AGMO: variants seen among roughly 807,000 people sequenced by gnomAD.
The protein encoded by AGMO is alkylglycerol monooxygenase.
AGMO carries 75 observed loss-of-function variants against 60.2 expected under a neutral mutation model. The ratio of observed to expected loss-of-function variants is 1.25; its 90% CI spans 1.03 to 1.51. AGMO has a LOEUF of 1.51. Among genes scored for constraint, AGMO ranks in the 40% most tolerant of loss-of-function variants. AGMO has a pLI of 0.00. For missense variants in AGMO, 763 were observed against 525.5 expected (o/e 1.45, Z -4.42); for synonymous variants, 261 against 177.1 (o/e 1.47, Z -3.76).
In AGMO at chr7:15,432,335, T is replaced by TATATATACATAC. The variant is rs1554271554; in HGVS notation, c.410-1228_410-1227insGTATGTATATAT. Among the ~76,000 whole-genome samples the TATATATACATAC allele has an allele frequency of 4.8e-3, 652 of 136,386 alleles. 4 individuals are homozygous for TATATATACATAC. Among genetic ancestry groups the TATATATACATAC allele is most frequent in the African/African-American group, 0.016 (601 of 36,830 alleles). The allele number at this position is 136,386 out of a possible 152,430, so 89.5% of individuals were successfully genotyped here. On this transcript the variant is annotated intron_variant, in intron 3 of 12. Transcript: ENST00000342526. Reference sequence around the variant, plus strand: ...ATATGTGTGTGTATATATGTATATATATATATATATACATACATATATATA... The same window carrying TATATATACATAC: ...ATATGTGTGTGTATATATGTATATATATATATACATACATATATATATACATACATATATATA...
At chr7:15,203,612 T>C (rs1181135627) in intron 12 of AGMO, among the ~76,000 whole-genome samples, 1 of 152,036 alleles carries the variant, frequency 6.6e-6, no homozygotes, top group African/African-American at 2.4e-5. Context: ...TATATTAATG[T>C]GCAATGAAGA....
intron 12 of AGMO, among the ~76,000 whole-genome samples, chr7:15,292,298 G>T (rs1784286397): frequency 6.6e-6 from 1 of 152,110 alleles, no homozygotes; most frequent in Non-Finnish European, 1.5e-5. Context: ...TGAAAGGGGT[G>T]AAACCAAGGC....
At chr7:15,553,728 A>C (rs535616295) in intron 2 of AGMO, among the ~76,000 whole-genome samples, 2 of 152,290 alleles carry the variant, frequency 1.3e-5, no homozygotes, top group East Asian at 1.9e-4. Flanking sequence ...AAATAAATAA[A>C]TAAATAATTT....
At chr7:15,457,334 C>A (rs1782025136) in intron 3 of AGMO, among the ~76,000 whole-genome samples, 1 of 152,066 alleles carries the variant, frequency 6.6e-6, no homozygotes, top group Non-Finnish European at 1.5e-5. Flanking sequence ...TCAAAGCTAT[C>A]CTGCAGTAAA....
intron 12 of AGMO, among the ~76,000 whole-genome samples, chr7:15,296,034 T>A (rs1290681779): frequency 6.6e-6 from 1 of 152,140 alleles, no homozygotes; most frequent in Non-Finnish European, 1.5e-5. Context: ...TATGTTTACA[T>A]ATGGAAATGT....
the AGMO span, among the ~76,000 whole-genome samples, chr7:15,176,658 T>TTA: frequency 6.6e-6 from 1 of 152,070 alleles, no homozygotes; most frequent in South Asian, 2.1e-4. Context: ...TTCACTAGAC[T>TTA]TAATTTATGT....
chr7:15,377,012 T>A (rs113380048), intron 10 of AGMO, among the ~76,000 whole-genome samples: 1 of 152,116 alleles, frequency 6.6e-6, no homozygotes, highest in Non-Finnish European at 1.5e-5. Flanking sequence ...CTCTAATATA[T>A]GCATAAACAG....
intron 12 of AGMO, among the ~76,000 whole-genome samples, chr7:15,300,784 C>T (rs1008090766): frequency 1.3e-5 from 2 of 152,122 alleles, no homozygotes; most frequent in African/African-American, 4.8e-5. Flanking sequence ...TGTAGCACTG[C>T]TTGTCCAAAA....
intron 12 of AGMO, among the ~76,000 whole-genome samples, chr7:15,267,584 T>C (rs939628296): frequency 6.6e-6 from 1 of 152,028 alleles, no homozygotes; most frequent in Non-Finnish European, 1.5e-5. Context: ...GTTCACACTT[T>C]TTCTGTTCCA....
At chr7:15,303,393 A>C (rs1030513733) in intron 12 of AGMO, among the ~76,000 whole-genome samples, 8 of 152,106 alleles carry the variant, frequency 5.3e-5, no homozygotes, top group African/African-American at 1.9e-4. Context: ...ATGAATGTCT[A>C]ATTGTGTATT....
intron 12 of AGMO, among the ~76,000 whole-genome samples, chr7:15,265,871 G>A (rs1783417380): frequency 1.3e-5 from 2 of 152,004 alleles, no homozygotes; most frequent in Admixed American, 1.3e-4. Context: ...GCCAAAACAT[G>A]GAGTCAGTGT....
At chr7:15,349,402 T>C (rs1392566305) in intron 12 of AGMO, among the ~76,000 whole-genome samples, 2 of 152,122 alleles carry the variant, frequency 1.3e-5, no homozygotes, top group Non-Finnish European at 1.5e-5. Context: ...TTTTTTTAGA[T>C]TGACTTTATA....
At chr7:15,393,425 GTTA>G in intron 6 of AGMO, among the ~76,000 whole-genome samples, 2 of 152,266 alleles carry the variant, frequency 1.3e-5, no homozygotes, top group South Asian at 4.1e-4. Flanking sequence ...CATTTTCATT[GTTA>G]TATCCTTCTC....
intron 5 of AGMO, among the ~76,000 whole-genome samples, chr7:15,410,301 G>C (rs2128492175): frequency 6.6e-6 from 1 of 151,628 alleles, no homozygotes; most frequent in African/African-American, 2.4e-5. Flanking sequence ...AATGTCTGTG[G>C]ACCACAATAA....
the AGMO span, among the ~76,000 whole-genome samples, chr7:15,169,881 CTA>C: frequency 3.9e-5 from 6 of 152,160 alleles, no homozygotes; most frequent in African/African-American, 7.2e-5. Flanking sequence ...GAACGTGACT[CTA>C]TTGCTGGTTC....
chr7:15,383,600 A>G (rs1449578092), intron 10 of AGMO, among the ~76,000 whole-genome samples: 1 of 152,138 alleles, frequency 6.6e-6, no homozygotes, highest in East Asian at 1.9e-4. Context: ...ATAATTCCAT[A>G]GGTCTTATAT....
the AGMO span, among the ~76,000 whole-genome samples, chr7:15,190,217 ATATATATATATATT>A: frequency 1.5e-4 from 1 of 6,744 alleles, no homozygotes; most frequent in Admixed American, 9.5e-4. Flanking sequence ...ATATATATAT[ATATATATATATATT>A]TATATATATA....
intron 10 of AGMO, among the ~76,000 whole-genome samples, chr7:15,375,021 GATTCACTGGAC>G (rs1176301606): frequency 6.6e-6 from 1 of 152,076 alleles, no homozygotes; most frequent in Non-Finnish European, 1.5e-5. Context: ...AAAATCTCAT[GATTCACTGGAC>G]ATTCACTAAG....
At chr7:15,345,122 A>G (rs1051688669) in intron 12 of AGMO, among the ~76,000 whole-genome samples, 1 of 152,168 alleles carries the variant, frequency 6.6e-6, no homozygotes, top group Non-Finnish European at 1.5e-5. Flanking sequence ...ATGCAAATCT[A>G]ATCAAATGGT....
Sources: allele counts gnomAD v4.1 joint callset (sites outside exome capture counted in the v4.1 genomes callset), GRCh38; gene constraint gnomAD v4.1.1; transcripts MANE v1.5; gene names NCBI Gene and HGNC (gene_info 2026-07-23, HGNC 2026-07-21).